The following CD163 variants were observed in gnomAD, a reference collection of about 807,000 sequenced individuals.
CD163 encodes CD163 molecule, also known as scavenger receptor cysteine-rich type 1 protein M130.
A neutral mutation model predicts 129.2 loss-of-function variants in CD163; 64 were observed. That is an observed-to-expected ratio of 0.50 (90% confidence interval 0.41 to 0.61). The LOEUF is 0.61. Among genes scored for constraint, CD163 ranks in the 20% least tolerant of loss-of-function variants. The pLI is 0.00. For missense variants in CD163, 1,061 were observed against 1,377.9 expected (o/e 0.77, Z 3.64); for synonymous variants, 446 against 478.5 (o/e 0.93, Z 0.89).
chr12:7,487,919 C>A lies in CD163; in HGVS notation c.1589G>T (p.Gly530Val). Reference protein sequence around the residue: ...QCGTVVSILGGAHFGEGNGQI... With the variant: ...QCGTVVSILGVAHFGEGNGQI... ...TCCATTTCCCTCTCCAAAGTGAGCTCCCCCCAGGATAGAGACAACTGTGCC... is the reference window on the plus strand; with the variant it reads ...TCCATTTCCCTCTCCAAAGTGAGCTACCCCCAGGATAGAGACAACTGTGCC... Residue 530 changes from glycine to valine, a missense_variant, in exon 7 of 17, where the codon GGA (glycine) becomes GTA (valine). Physicochemically the swap from Gly to Val is moderately radical, Grantham distance 109. Transcript: ENST00000432237. The surrounding 1 kb of genome is among the most constrained non-coding windows in gnomAD (Gnocchi z 5.1). 1 of 1,613,972 alleles carries A rather than the reference C, an allele frequency of 6.2e-7. No homozygotes were observed. The highest frequency in any genetic ancestry group is 8.5e-7 in the Non-Finnish European group (1 of 1,179,974).
chr12:7,492,665 C>T (rs1949342062), intron 6 of CD163, among the ~76,000 whole-genome samples: 1 of 151,970 alleles, frequency 6.6e-6, no homozygotes, highest in African/African-American at 2.4e-5. Context: ...ATTCAGACTA[C>T]AAGCAGTCAG....
At chr12:7,491,214 A>G (rs943282598) in intron 6 of CD163, among the ~76,000 whole-genome samples, 3 of 152,112 alleles carry the variant, frequency 2.0e-5, no homozygotes, top group African/African-American at 7.2e-5. Flanking sequence ...AGTCCCTTCT[A>G]TAAGTATCCT....
chr12:7,498,800 C>T, intron 4 of CD163, 68 bp downstream of exon 4: 6 of 1,421,968 alleles, frequency 4.2e-6, no homozygotes, highest in Non-Finnish European at 5.8e-6. Context: ...AGTTCAGGCT[C>T]TTAAGATTTA....
Position 7,485,353 on chromosome 12 carries a change from A to T in CD163, c.2522T>A (p.Val841Asp). 6.2e-7 allele frequency: 1 copy of T among 1,614,156 alleles called. No homozygotes were observed. The highest frequency in any genetic ancestry group is 8.5e-7 in the Non-Finnish European group (1 of 1,180,014). ...SREACAGRLEVFYNGAWGTVG... is the reference protein window; with the variant it reads ...SREACAGRLEDFYNGAWGTVG... ...AGTGCCCCAAGCTCCATTGTAAAAAACTTCCAGACGCCCTGCACAGGCCTC... is the reference window on the plus strand; with the variant it reads ...AGTGCCCCAAGCTCCATTGTAAAAATCTTCCAGACGCCCTGCACAGGCCTC... The change falls in exon 11 of 17, where the codon GTT (valine) becomes GAT (aspartate). Residue 841 changes from valine (V) to aspartate (D), a missense_variant. Coordinates refer to ENST00000432237, the MANE Select transcript of CD163 (RefSeq NM_203416.4). This position sits in a 1 kb window ranked among gnomAD's most constrained non-coding sequence, Gnocchi z 4.5.
Position 7,501,383 on chromosome 12 carries a change from C to T in CD163, c.213G>A (p.Glu71=). The T allele has an allele frequency of 6.2e-7, 1 of 1,614,106 alleles. No individual in the cohort carries two copies. Among genetic ancestry groups the T allele is most frequent in the Non-Finnish European group, 8.5e-7 (1 of 1,179,984 alleles). The change falls in exon 3 of 17, where the codon GAG becomes GAA. Residue 71 remains glutamate (E), a synonymous_variant. Transcript: ENST00000432237. ...SGRVEVKVQE[E]WGTVCNNGWS... ...AGCCATTATTACACACCGTTCCCCACTCCTCCTGGACTTTCACTTCCACTC... is the reference window on the plus strand; with the variant it reads ...AGCCATTATTACACACCGTTCCCCATTCCTCCTGGACTTTCACTTCCACTC...
At chr12:7,475,322 T>C (rs796209104) in intron 16 of CD163, among the ~76,000 whole-genome samples, 3 of 152,240 alleles carry the variant, frequency 2.0e-5, no homozygotes, top group African/African-American at 7.2e-5. Flanking sequence ...CTGATGAACA[T>C]TGATGCGAAA....
At chr12:7,501,102 G>T (rs187338721) in intron 3 of CD163, 37 bp downstream of exon 3, 21 of 1,580,558 alleles carry the variant, frequency 1.3e-5, no homozygotes, top group Non-Finnish European at 1.8e-5. Context: ...TCCCACCAAG[G>T]ATTTTGTGTT....
chr12:7,486,674 G>A lies in CD163; in HGVS notation c.2283C>T (p.Gly761=), dbSNP rs768631645. ...CAGTGGCATTAATGGCCTCTCCACA[G>A]CCCAGCTGTCTGCAAACCACGTGGG... The part of the protein sequence containing the change: ...SDAHVVCRQL[G]CGEAINATGS... The change falls in exon 10 of 17, where the codon GGC becomes GGT. Residue 761 remains glycine, a synonymous_variant. Coordinates refer to ENST00000432237, the MANE Select transcript of CD163 (RefSeq NM_203416.4). 2.2e-5 allele frequency: 36 copies of A among 1,613,954 alleles called. No homozygotes were observed. The Admixed American group carries it at 3.8e-4, about 17-fold the overall frequency.
At chr12:7,491,457 C>T (rs1272535163) in intron 6 of CD163, among the ~76,000 whole-genome samples, 1 of 151,940 alleles carries the variant, frequency 6.6e-6, no homozygotes, top group Non-Finnish European at 1.5e-5. Context: ...TGTGTTTTTA[C>T]ATAAAAACCA....
chr12:7,496,228 C>G lies in CD163; in HGVS notation c.1099+585G>C, dbSNP rs1404400368. Among the ~76,000 whole-genome samples, 1 of 151,970 alleles carries G rather than the reference C, an allele frequency of 6.6e-6. No homozygotes were observed. Among genetic ancestry groups the G allele is most frequent in the African/African-American group, 2.4e-5 (1 of 41,364 alleles). On this transcript the variant is annotated intron_variant, in intron 5 of 16. Coordinates refer to ENST00000432237, the MANE Select transcript of CD163 (RefSeq NM_203416.4). This position sits in a 1 kb window ranked among gnomAD's most constrained non-coding sequence, Gnocchi z 4.8. ...TCCTCAGCAAACTAACACACAAGAA[C>G]AGAAAACCAAACACTGCATGTTCTC...
chr12:7,499,271 G>A lies in CD163; in HGVS notation c.458-83C>T. The A allele has an allele frequency of 2.5e-6, 3 of 1,210,970 alleles. No homozygotes were observed. The South Asian group carries it at 4.4e-5, about 18-fold the overall frequency. 75.0% of individuals were successfully genotyped at this position (1,210,970 alleles called of 1,614,324 possible). On this transcript the variant is annotated intron_variant, in intron 3 of 16. Coordinates refer to ENST00000432237, the MANE Select transcript of CD163 (RefSeq NM_203416.4). ...AAAAGAAGTTTCCTCTGGACACTTG[G>A]GATTTTATGTTGTCCTTAAAATGGT...
intron 16 of CD163, among the ~76,000 whole-genome samples, chr12:7,473,687 T>C (rs1949040061): frequency 6.6e-6 from 1 of 152,112 alleles, no homozygotes; most frequent in South Asian, 2.1e-4. Flanking sequence ...AATAACCAGT[T>C]AGCATCATGA....
At chr12:7,483,342 C>A in intron 12 of CD163, 25 bp downstream of exon 12, 1 of 1,591,646 alleles carries the variant, frequency 6.3e-7, no homozygotes. Flanking sequence ...AGATTCCAAG[C>A]TCAATCCAGG....
intron 16 of CD163, among the ~76,000 whole-genome samples, chr12:7,478,804 T>A (rs187377206): frequency 6.6e-6 from 1 of 152,010 alleles, no homozygotes; most frequent in Middle Eastern, 3.2e-3. Flanking sequence ...ATATAATATG[T>A]AGATGAATTA....
Position 7,481,202 on chromosome 12 carries a change from G to T in CD163, c.3302C>A (p.Ser1101Tyr), listed in dbSNP as rs1250219603. ...VHQIQYREMN[S>Y]CLNADDLDLM... ...GTCCAGATCATCTGCATTCAGGCAA[G>T]AATTCATCTCCCGGTATTGAATTTG... Residue 1101 changes from serine (S) to tyrosine (Y), a missense_variant, in exon 15 of 17, where the codon TCT becomes TAT. Coordinates refer to ENST00000432237, the MANE Select transcript of CD163 (RefSeq NM_203416.4). 6.2e-7 allele frequency: 1 copy of T among 1,613,912 alleles called. No homozygotes were observed. Among genetic ancestry groups the T allele is most frequent in the East Asian group, 2.2e-5 (1 of 44,874 alleles).
intron 14 of CD163, among the ~76,000 whole-genome samples, chr12:7,481,983 C>T (rs534125560): frequency 4.3e-4 from 66 of 152,142 alleles, no homozygotes; most frequent in African/African-American, 1.5e-3. Flanking sequence ...CCAGTAATCC[C>T]CCTCCCCTTT....
At chr12:7,483,052 A>G in intron 12 of CD163, 48 bp from the exon 13 acceptor site, 1 of 1,572,488 alleles carries the variant, frequency 6.4e-7, no homozygotes, top group South Asian at 1.1e-5. Context: ...CATGATATAT[A>G]GAACAAGCCT....
At chr12:7,475,851 C>T (rs903979173) in intron 16 of CD163, among the ~76,000 whole-genome samples, 10 of 152,006 alleles carry the variant, frequency 6.6e-5, no homozygotes, top group African/African-American at 2.2e-4. Flanking sequence ...TTGTCTCAGC[C>T]GAAAAACTCC....
chr12:7,472,342 A>G (rs189848190), intron 16 of CD163, among the ~76,000 whole-genome samples: 2 of 152,350 alleles, frequency 1.3e-5, no homozygotes, highest in African/African-American at 4.8e-5. Context: ...GCATCAGGCC[A>G]GTACCCCTCT....
Sources: gnomAD v4.1 joint callset for allele counts (sites outside exome capture counted in the v4.1 genomes callset) on GRCh38, gnomAD v4.1.1 for gene constraint, Gnocchi (gnomAD v3.1) non-coding constraint, MANE v1.5 for transcripts, NCBI Gene and HGNC (gene_info 2026-07-23, HGNC 2026-07-21) for gene names.